The following CYB5R4 variants were observed in gnomAD, a reference collection of about 807,000 sequenced individuals.
CYB5R4 encodes cytochrome b5 reductase 4, also known as N-terminal cytochrome b5 and cytochrome b5 oxidoreductase domain-containing protein.
Under a neutral mutation model 70.2 loss-of-function variants are expected in CYB5R4, and 55 were observed. That is an observed-to-expected ratio of 0.78 (90% CI 0.63 to 0.98). The LOEUF (loss-of-function observed/expected upper bound fraction) is 0.98, where lower values mean the gene tolerates loss of function less well. Ranked by LOEUF, CYB5R4 falls within the 50% of genes least tolerant of loss-of-function variation. CYB5R4 has a pLI of 0.00. For missense variants in CYB5R4, 562 were observed against 612.6 expected, an observed-to-expected ratio of 0.92 and a Z score of 0.87; for synonymous variants, 197 against 199.5, an observed-to-expected ratio of 0.99 and a Z score of 0.11.
intron 10 of CYB5R4, among the ~76,000 whole-genome samples, chr6:83,931,802 T>A (rs1428251654): frequency 8.4e-6 from 1 of 118,618 alleles, no homozygotes; most frequent in African/African-American, 3.8e-5. Context: ...TATATATATA[T>A]ATTTTTTTTT....
At chr6:83,865,872 T>C (rs762904665) in intron 2 of CYB5R4, among the ~76,000 whole-genome samples, 2 of 152,154 alleles carry the variant, frequency 1.3e-5, no homozygotes, top group Non-Finnish European at 2.9e-5. Flanking sequence ...CCAAAGTTCC[T>C]CAGAGACCTA....
intron 1 of CYB5R4, among the ~76,000 whole-genome samples, chr6:83,860,342 G>A (rs141418269): frequency 0.021 from 3,234 of 152,146 alleles, 56 homozygotes; most frequent in Middle Eastern, 0.088. Flanking sequence ...TGGAGTTGGG[G>A]AGCTAGGTCA....
intron 2 of CYB5R4, among the ~76,000 whole-genome samples, chr6:83,875,793 T>C (rs2099458447): frequency 2.6e-5 from 4 of 152,178 alleles, no homozygotes; most frequent in Admixed American, 2.6e-4. Flanking sequence ...ATTATTATCT[T>C]TGAAGAAAAA....
At chr6:83,874,116 CTCCCCTCCTCTCCCCTCCCCTCCCT>C (rs2099458107) in intron 2 of CYB5R4, among the ~76,000 whole-genome samples, 1 of 95,068 alleles carries the variant, frequency 1.1e-5, no homozygotes, top group Non-Finnish European at 2.1e-5. Context: ...CCTGCCTCCC[CTCCCCTCCTCTCCCCTCCCCTCCCT>C]TCCCCTCCCC....
intron 10 of CYB5R4, among the ~76,000 whole-genome samples, chr6:83,927,513 T>G (rs1327700789): frequency 1.3e-5 from 2 of 152,154 alleles, no homozygotes; most frequent in Non-Finnish European, 2.9e-5. Flanking sequence ...GTTCAAAAAT[T>G]TGCTAGGATG....
chr6:83,864,417 A>T (rs2099456440), intron 2 of CYB5R4, 89 bp downstream of exon 2: 3 of 1,194,732 alleles, frequency 2.5e-6, no homozygotes. Context: ...GTTATTTTAA[A>T]CAATTGACAA....
chr6:83,939,451 T>C (rs1325019803), intron 12 of CYB5R4, among the ~76,000 whole-genome samples: 3 of 152,174 alleles, frequency 2.0e-5, no homozygotes, highest in Non-Finnish European at 4.4e-5. Context: ...GCATTTCTGA[T>C]CTTGCTTTGT....
chr6:83,907,229 C>T (rs1288632020), intron 3 of CYB5R4, among the ~76,000 whole-genome samples: 1 of 152,096 alleles, frequency 6.6e-6, no homozygotes, highest in East Asian at 1.9e-4. Context: ...GCATGAGCCA[C>T]CCCACCTTAA....
At chr6:83,917,313 C>T (rs1588575614) in intron 5 of CYB5R4, among the ~76,000 whole-genome samples, 1 of 152,112 alleles carries the variant, frequency 6.6e-6, no homozygotes, top group Non-Finnish European at 1.5e-5. Flanking sequence ...GGTACAACCA[C>T]TTTGAAAAGC....
chr6:83,871,232 G>T (rs2099457584), intron 2 of CYB5R4, among the ~76,000 whole-genome samples: 2 of 152,118 alleles, frequency 1.3e-5, no homozygotes, highest in Admixed American at 6.5e-5. Context: ...CACAGCCTTG[G>T]CCTCCCAGAC....
At chr6:83,863,104 GTACTAATAATACT>G (rs2099456211) in intron 1 of CYB5R4, among the ~76,000 whole-genome samples, 1 of 152,172 alleles carries the variant, frequency 6.6e-6, no homozygotes, top group Admixed American at 6.5e-5. Flanking sequence ...TCTGGTCAAA[GTACTAATAATACT>G]TCTCGTCTGA....
At chr6:83,948,462 C>T (rs1485304392) in intron 14 of CYB5R4, among the ~76,000 whole-genome samples, 2 of 151,822 alleles carry the variant, frequency 1.3e-5, no homozygotes, top group African/African-American at 2.4e-5. Context: ...ACATGTATAC[C>T]TATGTAACCT....
intron 4 of CYB5R4, chr6:83,910,213 G>A: frequency 7.2e-7 from 1 of 1,386,912 alleles, no homozygotes; most frequent in Non-Finnish European, 9.9e-7. Context: ...CCTGCCAGTT[G>A]GAAGTTCAAC....
At chr6:83,880,136 A>G (rs2099459228) in intron 2 of CYB5R4, among the ~76,000 whole-genome samples, 1 of 152,150 alleles carries the variant, frequency 6.6e-6, no homozygotes, top group Non-Finnish European at 1.5e-5. Context: ...AATTGTACAT[A>G]TTTATGGGCT....
intron 1 of CYB5R4, among the ~76,000 whole-genome samples, chr6:83,861,808 A>G (rs376142797): frequency 1.3e-5 from 2 of 152,354 alleles, no homozygotes; most frequent in African/African-American, 2.4e-5. Context: ...TCTTAAATGT[A>G]TATATAGCTA....
chr6:83,945,660 T>C (rs1016262253), intron 14 of CYB5R4, among the ~76,000 whole-genome samples: 7 of 151,978 alleles, frequency 4.6e-5, no homozygotes, highest in Admixed American at 4.6e-4. Flanking sequence ...AATAACAGAA[T>C]GGATAGACCG....
chr6:83,939,965 G>A, intron 12 of CYB5R4, 91 bp from the exon 13 acceptor site: 1 of 824,512 alleles, frequency 1.2e-6, no homozygotes, highest in South Asian at 1.8e-5. Flanking sequence ...TTTAAATTCA[G>A]CTAGTTTTGG....
chr6:83,936,173 G>T (rs779028820), intron 11 of CYB5R4, 51 bp from the exon 12 acceptor site: 5 of 1,371,142 alleles, frequency 3.6e-6, no homozygotes, highest in Middle Eastern at 4.2e-4. Flanking sequence ...TTTTCATTGA[G>T]ATTTTTGGAT....
chr6:83,911,269 T>TA (rs1290256026), intron 4 of CYB5R4, among the ~76,000 whole-genome samples: 3 of 151,684 alleles, frequency 2.0e-5, no homozygotes, highest in East Asian at 1.9e-4. Flanking sequence ...TATATTTAAT[T>TA]AAAAAAAAGA....
Sources: allele counts gnomAD v4.1 joint callset (sites outside exome capture counted in the v4.1 genomes callset), GRCh38; gene constraint gnomAD v4.1.1; transcripts MANE v1.5; gene names NCBI Gene and HGNC (gene_info 2026-07-23, HGNC 2026-07-21).